Variants in SPAG16 observed in about 807,000 individuals in gnomAD.
SPAG16 encodes sperm-associated antigen 16 protein.
A neutral mutation model predicts 80.4 loss-of-function variants in SPAG16; 86 were observed. The ratio of observed to expected loss-of-function variants is 1.07; its 90% CI spans 0.90 to 1.28. SPAG16 has a LOEUF of 1.28. SPAG16 is among the 50% of genes most tolerant of loss of function. SPAG16 has a pLI of 0.00. For synonymous variants in SPAG16, 294 were observed against 265.9 expected (o/e 1.11, Z -1.03); for missense variants, 870 against 765.3 (o/e 1.14, Z -1.61).
chr2:214,265,934 C>T (rs1200712383), intron 15 of SPAG16, among the ~76,000 whole-genome samples: 1 of 151,900 alleles, frequency 6.6e-6, no homozygotes, highest in Non-Finnish European at 1.5e-5. Context: ...TTGCCATTAT[C>T]TAAAATTATA....
chr2:213,434,922 A>C (rs1040498931), intron 9 of SPAG16, among the ~76,000 whole-genome samples: 5 of 152,228 alleles, frequency 3.3e-5, no homozygotes, highest in African/African-American at 1.2e-4. Context: ...AGAACTAGAA[A>C]TAGAACTACC....
chr2:213,919,378 G>T (rs577692981), intron 11 of SPAG16, among the ~76,000 whole-genome samples: 29 of 152,068 alleles, frequency 1.9e-4, no homozygotes, highest in Admixed American at 1.4e-3. Flanking sequence ...TGTGATGTTA[G>T]GTTGATAAAT....
At chr2:214,051,273 A>G (rs1209587160) in intron 13 of SPAG16, among the ~76,000 whole-genome samples, 1 of 152,204 alleles carries the variant, frequency 6.6e-6, no homozygotes, top group African/African-American at 2.4e-5. Flanking sequence ...AATACTTTAT[A>G]GCAAAGGAAT....
chr2:213,867,914 ACT>A (rs1158890327), intron 11 of SPAG16, among the ~76,000 whole-genome samples: 36 of 111,520 alleles, frequency 3.2e-4, no homozygotes, highest in Admixed American at 4.8e-4. Flanking sequence ...ACAGAGCAAG[ACT>A]CTGTCTCAAC....
At chr2:213,382,532 G>A (rs951336337) in intron 9 of SPAG16, among the ~76,000 whole-genome samples, 1 of 152,192 alleles carries the variant, frequency 6.6e-6, no homozygotes, top group African/African-American at 2.4e-5. Context: ...TGGGTCTGCT[G>A]GGCCATAAGG....
At chr2:213,595,172 C>T (rs1373490930) in intron 10 of SPAG16, among the ~76,000 whole-genome samples, 1 of 151,864 alleles carries the variant, frequency 6.6e-6, no homozygotes, top group Non-Finnish European at 1.5e-5. Flanking sequence ...TTGAAGTATG[C>T]AAATGATAGG....
chr2:213,715,522 T>C (rs539801951), intron 10 of SPAG16, among the ~76,000 whole-genome samples: 2 of 152,230 alleles, frequency 1.3e-5, no homozygotes, highest in African/African-American at 4.8e-5. Context: ...CTGGGGAAGG[T>C]GTTGTACTCT....
At chr2:213,722,880 T>C (rs190475979) in intron 10 of SPAG16, among the ~76,000 whole-genome samples, 2 of 152,208 alleles carry the variant, frequency 1.3e-5, no homozygotes, top group Non-Finnish European at 2.9e-5. Context: ...TTTGGGGGGC[T>C]TAGGATTTGA....
intron 12 of SPAG16, among the ~76,000 whole-genome samples, chr2:213,969,728 A>G (rs2044913736): frequency 6.6e-6 from 1 of 152,154 alleles, no homozygotes; most frequent in Non-Finnish European, 1.5e-5. Context: ...GTATTTTGTT[A>G]CAGTATCACA....
At chr2:214,244,479 A>T (rs1446867337) in intron 15 of SPAG16, among the ~76,000 whole-genome samples, 6 of 151,804 alleles carry the variant, frequency 4.0e-5, no homozygotes, top group African/African-American at 1.5e-4. Flanking sequence ...GAAACAAACT[A>T]AGTTTCATAG....
At chr2:214,288,614 A>G (rs1466479555) in intron 15 of SPAG16, among the ~76,000 whole-genome samples, 2 of 151,990 alleles carry the variant, frequency 1.3e-5, no homozygotes, top group East Asian at 3.9e-4. Context: ...CTTTTTAGTA[A>G]GAGCCATTTT....
Position 213,454,537 on chromosome 2 carries a change from A to G in SPAG16, c.943-35426A>G, listed in dbSNP as rs982172674. Among the ~76,000 whole-genome samples the G allele has an allele frequency of 2.6e-5, 4 of 152,312 alleles. 1 individual carries two copies. The highest frequency in any genetic ancestry group is 4.4e-5 in the Non-Finnish European group (3 of 68,024). On this transcript the variant is annotated intron_variant, in intron 9 of 15. Coordinates refer to ENST00000331683, the MANE Select transcript of SPAG16 (RefSeq NM_024532.5). ...TGATGTCTTCAGAATTGCTTTGGAAATTGTCAGATTTCCAAATTAATATCA... is the reference window on the plus strand; with the variant it reads ...TGATGTCTTCAGAATTGCTTTGGAAGTTGTCAGATTTCCAAATTAATATCA...
intron 1 of SPAG16, among the ~76,000 whole-genome samples, chr2:213,291,111 C>G (rs544571836): frequency 6.6e-6 from 1 of 152,290 alleles, no homozygotes; most frequent in African/African-American, 2.4e-5. Flanking sequence ...AGCTTAGAGT[C>G]AAATCTGGGG....
chr2:213,900,901 T>C (rs1455413895), intron 11 of SPAG16, among the ~76,000 whole-genome samples: 2 of 152,184 alleles, frequency 1.3e-5, no homozygotes, highest in Non-Finnish European at 2.9e-5. Context: ...TGTGTTTTCA[T>C]ATATTAAAAT....
At chr2:214,364,794 T>C (rs1003323030) in intron 15 of SPAG16, among the ~76,000 whole-genome samples, 1 of 152,102 alleles carries the variant, frequency 6.6e-6, no homozygotes, top group Admixed American at 6.6e-5. Context: ...CAGAGATGAT[T>C]GTGGGGTCTC....
At chr2:214,030,162 A>G (rs1270365930) in intron 13 of SPAG16, among the ~76,000 whole-genome samples, 1 of 152,036 alleles carries the variant, frequency 6.6e-6, no homozygotes, top group Non-Finnish European at 1.5e-5. Context: ...AGCAACCACT[A>G]TTTTGTTTTC....
chr2:214,166,691 C>T (rs1013423115), intron 15 of SPAG16, among the ~76,000 whole-genome samples: 3 of 152,072 alleles, frequency 2.0e-5, no homozygotes, highest in Admixed American at 6.6e-5. Flanking sequence ...TGTTTCCTGG[C>T]GGGGCCCTGA....
At chr2:213,300,263 C>T (rs866945764) in intron 3 of SPAG16, among the ~76,000 whole-genome samples, 1 of 152,132 alleles carries the variant, frequency 6.6e-6, no homozygotes. Flanking sequence ...CTTCTCCCTT[C>T]CCTCCTCCTC....
chr2:213,751,560 C>T (rs1045759939), intron 10 of SPAG16, among the ~76,000 whole-genome samples: 33 of 152,184 alleles, frequency 2.2e-4, no homozygotes, highest in Non-Finnish European at 3.5e-4. Context: ...TCCAGTCTTA[C>T]CGTCAGCCTC....
Sources: allele counts gnomAD v4.1 joint callset (sites outside exome capture counted in the v4.1 genomes callset), GRCh38; gene constraint gnomAD v4.1.1; transcripts MANE v1.5; gene names NCBI Gene and HGNC (gene_info 2026-07-23, HGNC 2026-07-21).